Variants in IFI16 observed in about 807,000 individuals in gnomAD.
IFI16 encodes the protein gamma-interferon-inducible protein 16.
In IFI16, 49 loss-of-function variants were observed where a neutral mutation model predicts 68.4. The observed-to-expected ratio is 0.72, with a 90% CI of 0.57 to 0.91. The LOEUF (loss-of-function observed/expected upper bound fraction) is 0.91, where lower values mean the gene tolerates loss of function less well. IFI16 is among the 40% of genes least tolerant of loss of function. The pLI, the probability that IFI16 is intolerant of heterozygous loss-of-function variation, is 0.00. For synonymous variants in IFI16, 307 were observed against 315.0 expected, an observed-to-expected ratio of 0.97 and a Z score of 0.27; for missense variants, 878 against 942.9, an observed-to-expected ratio of 0.93 and a Z score of 0.90.
rs1251737390 is a variant in IFI16 at position 159,018,402 on chromosome 1, T to G, written c.723T>G (p.His241Gln). The change falls in exon 5 of 12, where the codon CAT (histidine) becomes CAG (glutamine). Residue 241 changes from histidine to glutamine, a missense_variant. Around this residue, in one of 4 missense-constraint regions of IFI16, gnomAD observed 443 missense variants for 421.8 expected, o/e 1.05. Transcript: ENST00000295809. ...TGGCTACACAGACACAGTTCTTCCA[T>G]GTGAAGGTTTTAAACACCAGCTTGA... is the stretch of plus-strand genomic sequence containing the variant. ...ATVATQTQFF[H>Q]VKVLNTSLKE... 2.5e-6 allele frequency: 4 copies of G among 1,614,108 alleles called. No homozygotes were observed. Among genetic ancestry groups the G allele is most frequent in the Non-Finnish European group, 3.4e-6 (4 of 1,179,960 alleles).
At position 159,042,560 on chromosome 1, in the gene IFI16, A is replaced by C. The variant is rs550887165; in HGVS notation, c.1330-2737A>C. Among the ~76,000 whole-genome samples, 10 of 152,260 alleles carry C rather than the reference A, an allele frequency of 6.6e-5. No individual in the cohort carries two copies. The East Asian group carries it at 1.9e-3, about 29-fold the overall frequency. On this transcript the variant is annotated intron_variant, in intron 7 of 11. Transcript: ENST00000295809. Reference sequence around the variant, plus strand: ...TTTTCCATCTCAGTTCTGTCCCCAGATATCTTCAACCACAAGGTACCAGTC... The same window carrying C: ...TTTTCCATCTCAGTTCTGTCCCCAGCTATCTTCAACCACAAGGTACCAGTC...
At chr1:159,033,617 C>T (rs1654139048) in intron 7 of IFI16, among the ~76,000 whole-genome samples, 1 of 152,184 alleles carries the variant, frequency 6.6e-6, no homozygotes, top group Non-Finnish European at 1.5e-5. Context: ...AAATCTTCCT[C>T]AAGCTTTCAA....
chr1:159,042,269 A>G (rs1490129074), intron 7 of IFI16, among the ~76,000 whole-genome samples: 1 of 152,050 alleles, frequency 6.6e-6, no homozygotes, highest in Non-Finnish European at 1.5e-5. Context: ...TGGAAACCCA[A>G]AGCATAACAA....
intron 6 of IFI16, among the ~76,000 whole-genome samples, chr1:159,024,823 A>G (rs747652137): frequency 6.6e-6 from 1 of 152,234 alleles, no homozygotes; most frequent in African/African-American, 2.4e-5. Context: ...AAGATGTATT[A>G]AAATGAAGCT....
At position 159,052,348 on chromosome 1, in the gene IFI16, T is replaced by G; in HGVS notation, c.2085+250T>G. The G allele has an allele frequency of 6.1e-6, 3 of 489,946 alleles. No homozygotes were observed. The South Asian group carries it at 7.6e-5, about 12-fold the overall frequency. 30.3% of individuals were successfully genotyped at this position (489,946 alleles called of 1,614,324 possible). A position where few individuals can be genotyped will look rare whatever the true frequency, so the allele number is the denominator to read the frequency against. On this transcript the variant is annotated intron_variant, in intron 10 of 11. Coordinates refer to ENST00000295809, the MANE Select transcript of IFI16 (RefSeq NM_001376587.1). ...GTCACTAGGAAACTTGGCATTTTAT[T>G]AGTTTTGATGATCTATTCAGAGCCA... is the stretch of plus-strand genomic sequence containing the variant.
chr1:159,026,777 G>A (rs1653699255), intron 6 of IFI16, among the ~76,000 whole-genome samples: 1 of 152,128 alleles, frequency 6.6e-6, no homozygotes, highest in South Asian at 2.1e-4. Context: ...ATTATTTGCA[G>A]CTATTGTGAA....
At chr1:159,052,477 G>A (rs1655423662) in intron 10 of IFI16, 1 of 170,682 alleles carries the variant, frequency 5.9e-6, no homozygotes, top group African/African-American at 2.4e-5. Context: ...TAATTTAATT[G>A]TGAATAAAAG....
At chr1:159,036,991 A>G (rs548656704) in intron 7 of IFI16, among the ~76,000 whole-genome samples, 8 of 152,286 alleles carry the variant, frequency 5.3e-5, no homozygotes, top group South Asian at 4.1e-4. Flanking sequence ...TAAGAGTTTT[A>G]TATGTCGTAT....
intron 1 of IFI16, among the ~76,000 whole-genome samples, chr1:159,014,386 C>T (rs1027237975): frequency 6.7e-6 from 1 of 149,818 alleles, no homozygotes; most frequent in Non-Finnish European, 1.5e-5. Flanking sequence ...AGAGCTCATA[C>T]TCTTAACACT....
intron 6 of IFI16, among the ~76,000 whole-genome samples, chr1:159,027,195 A>G (rs902718565): frequency 1.1e-4 from 16 of 152,126 alleles, no homozygotes; most frequent in African/African-American, 3.6e-4. Flanking sequence ...CTTAAGGTAT[A>G]TCACTTCTAT....
At chr1:159,032,805 G>C in intron 7 of IFI16, 114 bp downstream of exon 7, 1 of 829,102 alleles carries the variant, frequency 1.2e-6, no homozygotes, top group Non-Finnish European at 1.8e-6. Context: ...TACAATCTTG[G>C]TATGAAATTA....
At chr1:159,046,857 A>G (rs929605822) in intron 8 of IFI16, among the ~76,000 whole-genome samples, 8 of 151,356 alleles carry the variant, frequency 5.3e-5, no homozygotes, top group Admixed American at 2.6e-4. Flanking sequence ...CATTTATCAT[A>G]GCTATAATAA....
chr1:159,036,619 TTTTGTTTGGG>T (rs1654343721), intron 7 of IFI16, among the ~76,000 whole-genome samples: 1 of 152,214 alleles, frequency 6.6e-6, no homozygotes, highest in South Asian at 2.1e-4. Context: ...TAGACATTGT[TTTTGTTTGGG>T]TTTGTTTTCA....
At chr1:159,050,346 CT>C (rs1438241357) in intron 9 of IFI16, among the ~76,000 whole-genome samples, 11 of 152,292 alleles carry the variant, frequency 7.2e-5, no homozygotes, top group Non-Finnish European at 1.2e-4. Context: ...CTCAGATCTT[CT>C]TTCATTGCCC....
At chr1:159,052,285 C>A (rs533172178) in intron 10 of IFI16, 187 bp downstream of exon 10, 1 of 579,750 alleles carries the variant, frequency 1.7e-6, no homozygotes, top group Non-Finnish European at 3.1e-6. Context: ...TTGTAACATT[C>A]CTCTTCTTAA....
chr1:159,043,650 C>T (rs1364812876), intron 7 of IFI16, among the ~76,000 whole-genome samples: 6 of 152,124 alleles, frequency 3.9e-5, no homozygotes, highest in South Asian at 2.1e-4. Flanking sequence ...AATTCAAAGC[C>T]GGAAACAGAC....
At chr1:159,004,386 T>G (rs999959329), upstream of IFI16, among the ~76,000 whole-genome samples, 2 of 152,050 alleles carry the variant, frequency 1.3e-5, no homozygotes, top group African/African-American at 2.4e-5. Context: ...GAGTAAATTA[T>G]AGATGTTAGT....
At chr1:159,050,167 A>T (rs147024316) in intron 9 of IFI16, among the ~76,000 whole-genome samples, 1 of 152,202 alleles carries the variant, frequency 6.6e-6, no homozygotes, top group African/African-American at 2.4e-5. Flanking sequence ...TTTTATTAAT[A>T]TATCGTGAAC....
upstream of IFI16, among the ~76,000 whole-genome samples, chr1:159,005,689 T>C (rs978591966): frequency 2.2e-4 from 34 of 152,176 alleles, no homozygotes; most frequent in African/African-American, 8.0e-4. Flanking sequence ...AATGGCATTG[T>C]TGTGAAAACG....
Sources: gnomAD v4.1 joint callset for allele counts (sites outside exome capture counted in the v4.1 genomes callset) on GRCh38, gnomAD v4.1.1 for gene constraint, gnomAD v4.1.1 regional missense constraint, MANE v1.5 for transcripts, NCBI Gene and HGNC (gene_info 2026-07-23, HGNC 2026-07-21) for gene names.